NAPEPLD: variants seen among roughly 807,000 people sequenced by gnomAD.
NAPEPLD encodes N-acyl-phosphatidylethanolamine-hydrolyzing phospholipase D.
In NAPEPLD, 23 loss-of-function variants were observed where a neutral mutation model predicts 38.1. That is an observed-to-expected ratio of 0.60 (90% CI 0.43 to 0.86). NAPEPLD has a LOEUF of 0.86. Among genes scored for constraint, NAPEPLD ranks in the 40% least tolerant of loss-of-function variants. NAPEPLD has a pLI of 0.00. For synonymous variants in NAPEPLD, 147 were observed against 162.0 expected, an observed-to-expected ratio of 0.91 and a Z score of 0.71; for missense variants, 411 against 476.8, an observed-to-expected ratio of 0.86 and a Z score of 1.28.
At position 103,099,924 on chromosome 7, in the gene NAPEPLD, G is replaced by GTATT. The variant is rs1426294878; in HGVS notation, c.*3501_*3504dup. The GTATT allele has an allele frequency of 2.6e-5, 4 of 152,056 alleles. No individual in the cohort carries two copies. The highest frequency in any genetic ancestry group is 5.9e-5 in the Non-Finnish European group (4 of 68,018). 9.4% of individuals were successfully genotyped at this position (152,056 alleles called of 1,614,324 possible). A position where few individuals can be genotyped will look rare whatever the true frequency, so the allele number is the denominator to read the frequency against. On this transcript the variant is annotated 3_prime_UTR_variant, in exon 5 of 5. Coordinates refer to ENST00000465647, the MANE Select transcript of NAPEPLD (RefSeq NM_001122838.3). Reference sequence around the variant, plus strand: ...ATCTGGGATTCAGCCAGGTCTTATAGTATTTAAATTTATAACCCCTGCCAT... The same window carrying GTATT: ...ATCTGGGATTCAGCCAGGTCTTATAGTATTTATTTAAATTTATAACCCCTGCCAT...
At chr7:103,108,669 A>G (rs1803897061) in intron 4 of NAPEPLD, among the ~76,000 whole-genome samples, 1 of 152,234 alleles carries the variant, frequency 6.6e-6, no homozygotes, top group African/African-American at 2.4e-5. Flanking sequence ...AACACTATGA[A>G]TAAACTGCAT....
chr7:103,104,100 G>A (rs1428830851), intron 4 of NAPEPLD, among the ~76,000 whole-genome samples: 1 of 152,130 alleles, frequency 6.6e-6, no homozygotes. Flanking sequence ...GTGGCAAAGA[G>A]GAGTCAAGAT....
rs1016424204 is a variant in NAPEPLD, at chr7:103,148,967, A to C, written c.-173T>G. The stretch of plus-strand genomic sequence containing the variant: ...CAGGCTCCGCAACTCGCGAGGTGCG[A>C]AAATTCAAATGAAGCCCTGTCGCTC... On this transcript the variant is annotated 5_prime_UTR_variant, in exon 1 of 5. Coordinates refer to ENST00000465647, the MANE Select transcript of NAPEPLD (RefSeq NM_001122838.3). 1 of 985,264 alleles carries C rather than the reference A, an allele frequency of 1.0e-6. No individual in the cohort carries two copies. The highest frequency in any genetic ancestry group is 1.7e-5 in the African/African-American group (1 of 57,232). 61.0% of individuals were successfully genotyped at this position (985,264 alleles called of 1,614,324 possible). A position where few individuals can be genotyped will look rare whatever the true frequency, so the allele number is the denominator to read the frequency against.
rs539299272 is a variant in NAPEPLD, at chr7:103,128,506, T to G, written c.271A>C (p.Ser91Arg). ...LRWLIMEKDH[S>R]SVPSSKEELD... ...ACCTCTTTAGAACTTGGAACACTGC[T>G]GTGATCTTTCTCCATTATCAGCCAT... The change falls in exon 2 of 5, where the codon AGC becomes CGC. Residue 91 changes from serine to arginine, a missense_variant. Physicochemically the swap from Ser to Arg is moderately radical, Grantham distance 110. Transcript: ENST00000465647. 6.2e-7 allele frequency: 1 copy of G among 1,614,238 alleles called. No homozygotes were observed. Among genetic ancestry groups the G allele is most frequent in the Non-Finnish European group, 8.5e-7 (1 of 1,180,040 alleles).
At chr7:103,137,471 T>C (rs1050826940) in intron 1 of NAPEPLD, among the ~76,000 whole-genome samples, 2 of 152,214 alleles carry the variant, frequency 1.3e-5, no homozygotes, top group African/African-American at 4.8e-5. Context: ...CTTTTACGAC[T>C]GGAATCCTTA....
intron 1 of NAPEPLD, among the ~76,000 whole-genome samples, chr7:103,143,551 C>T (rs1246609160): frequency 1.3e-5 from 2 of 152,092 alleles, no homozygotes; most frequent in East Asian, 3.9e-4. Flanking sequence ...TTCCAGAAGT[C>T]TCCTTAAGGG....
chr7:103,115,197 TA>T, intron 3 of NAPEPLD, 23 bp from the exon 4 acceptor site: 1 of 1,556,046 alleles, frequency 6.4e-7, no homozygotes, highest in Non-Finnish European at 8.8e-7. Flanking sequence ...GGCAATTTCT[TA>T]ATTCTGACCT....
rs367936558 is a variant in NAPEPLD, at chr7:103,119,979, G to A, written c.539C>T (p.Ala180Val). Residue 180 changes from alanine (A) to valine (V), a missense_variant, in exon 3 of 5, where the codon GCG (alanine) becomes GTG (valine). Coordinates refer to ENST00000465647, the MANE Select transcript of NAPEPLD (RefSeq NM_001122838.3). ...ATAGTGGTTGTGACTGATAAGGACC[G>A]CATCTATTGGAGGGAGTTCACTTAT... ...CTISELPPIDAVLISHNHYDH... is the reference protein window; with the variant it reads ...CTISELPPIDVVLISHNHYDH... 13 of 1,614,078 alleles carry A rather than the reference G, an allele frequency of 8.1e-6. No individual in the cohort carries two copies. Among genetic ancestry groups the A allele is most frequent in the East Asian group, 4.5e-5 (2 of 44,904 alleles).
intron 1 of NAPEPLD, among the ~76,000 whole-genome samples, chr7:103,133,418 C>G (rs1280210355): frequency 6.6e-6 from 1 of 152,204 alleles, no homozygotes; most frequent in Non-Finnish European, 1.5e-5. Flanking sequence ...CCTTGAAACT[C>G]TGGACTGGTT....
In NAPEPLD at chr7:103,100,798, T is replaced by C. The variant is rs1418367184; in HGVS notation, c.*2631A>G. On this transcript the variant is annotated 3_prime_UTR_variant, in exon 5 of 5. Transcript: ENST00000465647. ...AACCCTTCAAAATGTAGATAACAAA[T>C]GAAAAATAAAGTGGAACCCACTCAA... 1 of 152,110 alleles carries C rather than the reference T, an allele frequency of 6.6e-6. No individual in the cohort carries two copies. Among genetic ancestry groups the C allele is most frequent in the Non-Finnish European group, 1.5e-5 (1 of 68,002 alleles). The allele number at this position is 152,110 out of a possible 1,614,324, so 9.4% of individuals were successfully genotyped here.
chr7:103,113,775 C>T (rs187523201), intron 4 of NAPEPLD, among the ~76,000 whole-genome samples: 12 of 151,904 alleles, frequency 7.9e-5, no homozygotes, highest in Admixed American at 5.9e-4. Context: ...GAATTATAGG[C>T]GCCTGCCACC....
intron 3 of NAPEPLD, among the ~76,000 whole-genome samples, chr7:103,116,148 G>A (rs1047789457): frequency 2.0e-5 from 3 of 151,906 alleles, no homozygotes; most frequent in South Asian, 2.1e-4. Flanking sequence ...TGCAACCTCC[G>A]CCTCCTGGGT....
At chr7:103,143,480 T>TA (rs1277071502) in intron 1 of NAPEPLD, among the ~76,000 whole-genome samples, 1 of 152,210 alleles carries the variant, frequency 6.6e-6, no homozygotes, top group African/African-American at 2.4e-5. Context: ...CTCAGCCTTC[T>TA]AGCTAGGGAT....
chr7:103,131,300 A>C (rs1488953192), intron 1 of NAPEPLD, among the ~76,000 whole-genome samples: 1 of 152,222 alleles, frequency 6.6e-6, no homozygotes, highest in African/African-American at 2.4e-5. Flanking sequence ...TTCAAAGACC[A>C]CAAAGACAAC....
Position 103,120,081 on chromosome 7 carries a change from G to A in NAPEPLD, c.437C>T (p.Thr146Met), listed in dbSNP as rs778357955. The change falls in exon 3 of 5, where the codon ACG becomes ATG. Residue 146 changes from threonine (T) to methionine (M), a missense_variant. Thr to Met is a moderately conservative substitution (Grantham distance 81). Transcript: ENST00000465647. ...AGCACGAGAGCTAAAGATGGGATCCGTGAGAAATATGAGCTCATCCATTTC... is the reference window on the plus strand; with the variant it reads ...AGCACGAGAGCTAAAGATGGGATCCATGAGAAATATGAGCTCATCCATTTC... ...MVEMDELIFL[T>M]DPIFSSRASP... 5 of 1,614,058 alleles carry A rather than the reference G, an allele frequency of 3.1e-6. No individual in the cohort carries two copies. The highest frequency in any genetic ancestry group is 2.2e-5 in the East Asian group (1 of 44,904).
chr7:103,149,206 C>T, upstream of NAPEPLD: 1 of 996,526 alleles, frequency 1.0e-6, no homozygotes, highest in Non-Finnish European at 1.2e-6. Flanking sequence ...CACGGAGCTC[C>T]GGACACTCGG....
chr7:103,136,758 G>A (rs1016968545), intron 1 of NAPEPLD, among the ~76,000 whole-genome samples: 6 of 151,618 alleles, frequency 4.0e-5, no homozygotes, highest in African/African-American at 1.2e-4. Flanking sequence ...TTAATTTCAC[G>A]TAACAAGACT....
upstream of NAPEPLD, among the ~76,000 whole-genome samples, chr7:103,149,823 G>T (rs1370404746): frequency 1.3e-5 from 2 of 152,214 alleles, no homozygotes; most frequent in Non-Finnish European, 2.9e-5. Context: ...CCCATTGACG[G>T]ACTGTCATAG....
At chr7:103,134,595 A>G (rs1809650710) in intron 1 of NAPEPLD, among the ~76,000 whole-genome samples, 1 of 152,208 alleles carries the variant, frequency 6.6e-6, no homozygotes, top group African/African-American at 2.4e-5. Context: ...GGTTGCAGTG[A>G]GCCGAGATTC....
Sources: allele counts gnomAD v4.1 joint callset (sites outside exome capture counted in the v4.1 genomes callset), GRCh38; gene constraint gnomAD v4.1.1; transcripts MANE v1.5; gene names NCBI Gene and HGNC (gene_info 2026-07-23, HGNC 2026-07-21).